The following RTEL1 variants were observed in gnomAD, a reference collection of about 807,000 sequenced individuals.
RTEL1 encodes the protein regulator of telomere length.
RTEL1 carries 86 observed loss-of-function variants against 162.2 expected under a neutral mutation model. The ratio of observed to expected loss-of-function variants is 0.53; its 90% CI spans 0.45 to 0.63. The LOEUF is 0.63. RTEL1 is among the 30% of genes least tolerant of loss of function. The pLI is 0.00. For missense variants in RTEL1, 1,941 were observed against 1,750.2 expected (o/e 1.11, Z -1.95); for synonymous variants, 958 against 717.9 (o/e 1.33, Z -5.35).
intron 30 of RTEL1, 100 bp downstream of exon 30, chr20:63,693,383 G>C (rs2090817542): frequency 6.3e-6 from 9 of 1,438,664 alleles, no homozygotes; most frequent in African/African-American, 2.8e-5. Flanking sequence ...GGCCCTGCTT[G>C]GCCCCGCCTC....
At chr20:63,678,643 T>TCCCACGAACAGCACACACACA (rs2090412200) in intron 12 of RTEL1, among the ~76,000 whole-genome samples, 2 of 42,434 alleles carry the variant, frequency 4.7e-5, no homozygotes, top group African/African-American at 1.1e-4. Flanking sequence ...GCACACACAC[T>TCCCACGAACAGCACACACACA]CCCACGGAAC....
intron 4 of RTEL1, among the ~76,000 whole-genome samples, chr20:63,662,176 G>A (rs550905880): frequency 2.0e-5 from 3 of 152,316 alleles, no homozygotes; most frequent in Admixed American, 6.5e-5. Flanking sequence ...TTGGGCGGGC[G>A]TCCTGAGCTC....
rs957528813 is a variant in RTEL1 at position 63,662,484 on chromosome 20, A to T, written c.396-62A>T. 5.0e-6 allele frequency: 8 copies of T among 1,602,758 alleles called. No individual in the cohort carries two copies. The Admixed American group carries it at 8.8e-5, about 18-fold the overall frequency. ...CGTGTCTCCATACAGCTCACGCTGC[A>T]GGGCCACGCTGTGGGTGTTGGAGAC... On this transcript the variant is annotated intron_variant, in intron 4 of 34. Transcript: ENST00000360203.
At position 63,688,280 on chromosome 20, in the gene RTEL1, C is replaced by G. The variant is rs199718552; in HGVS notation, c.1637-21C>G. On this transcript the variant is annotated intron_variant, in intron 19 of 34. Transcript: ENST00000360203. Reference sequence around the variant, plus strand: ...TGCAGACATCCTGCCCCTGCCTTGACCCCGGCCCCTGCACTTCCAGGCAAC... The same window carrying G: ...TGCAGACATCCTGCCCCTGCCTTGAGCCCGGCCCCTGCACTTCCAGGCAAC... 1.7e-4 allele frequency: 279 copies of G among 1,610,966 alleles called. 1 individual carries two copies. The African/African-American group carries it at 3.3e-3, about 19-fold the overall frequency.
chr20:63,685,930 A>C, intron 16 of RTEL1, 58 bp downstream of exon 16: 1 of 1,516,536 alleles, frequency 6.6e-7, no homozygotes, highest in South Asian at 1.2e-5. Context: ...CGGCACCACC[A>C]TGCCACAGGC....
Position 63,694,747 on chromosome 20 carries a change from C to G in RTEL1, c.3116C>G (p.Pro1039Arg), listed in dbSNP as rs772175599. Reference protein sequence around the residue: ...LSPRPPPTGDPGSQPQWGSGV... With the variant: ...LSPRPPPTGDRGSQPQWGSGV... ...CATGCTACTCCCACACCAGGAGACCCTGGCAGCCAACCACAGTGGGGGTCT... is the reference window on the plus strand; with the variant it reads ...CATGCTACTCCCACACCAGGAGACCGTGGCAGCCAACCACAGTGGGGGTCT... Residue 1039 changes from proline (P) to arginine (R), a missense_variant, in exon 32 of 35, where the codon CCT becomes CGT. Physicochemically the swap from Pro to Arg is moderately radical, Grantham distance 103. Coordinates refer to ENST00000360203, the MANE Select transcript of RTEL1 (RefSeq NM_001283009.2). The G allele has an allele frequency of 6.9e-6, 11 of 1,603,158 alleles. No individual in the cohort carries two copies. The highest frequency in any genetic ancestry group is 9.4e-6 in the Non-Finnish European group (11 of 1,174,946).
chr20:63,663,331 T>G (rs1030938355), intron 6 of RTEL1, among the ~76,000 whole-genome samples: 1 of 152,234 alleles, frequency 6.6e-6, no homozygotes, highest in Non-Finnish European at 1.5e-5. Flanking sequence ...CCCGCGACCC[T>G]GCCCCGTGTG....
chr20:63,695,704 G>A (rs1030095459), intron 34 of RTEL1, 54 bp downstream of exon 34: 107 of 1,607,140 alleles, frequency 6.7e-5, no homozygotes, highest in Non-Finnish European at 9.3e-6. Flanking sequence ...GTGATGGGCT[G>A]AGGGGGAAAG....
chr20:63,684,575 G>C (rs1331248177), intron 14 of RTEL1, among the ~76,000 whole-genome samples: 4 of 151,998 alleles, frequency 2.6e-5, no homozygotes, highest in Non-Finnish European at 5.9e-5. Context: ...GGATGGTCTC[G>C]ATCTCCTGAC....
At chr20:63,666,989 G>A (rs182380349) in intron 7 of RTEL1, among the ~76,000 whole-genome samples, 24 of 151,990 alleles carry the variant, frequency 1.6e-4, no homozygotes, top group South Asian at 4.2e-4. Flanking sequence ...ACAGGTGCCC[G>A]CCACCACGTC....
chr20:63,685,762 C>T (rs773025758), intron 15 of RTEL1, 29 bp from the exon 16 acceptor site: 5 of 1,607,480 alleles, frequency 3.1e-6, no homozygotes, highest in South Asian at 1.1e-5. Flanking sequence ...TGGGCGGGGC[C>T]TCCACACTCC....
rs1163744221 is a variant in RTEL1 at position 63,694,426 on chromosome 20, T to G, written c.3047T>G (p.Leu1016Arg). The change falls in exon 31 of 35, where the codon CTG becomes CGG. Residue 1016 changes from leucine to arginine, a missense_variant. Coordinates refer to ENST00000360203, the MANE Select transcript of RTEL1 (RefSeq NM_001283009.2). ...GTGTCCACGGCTGCAGCCCAGCAGCTGGACCCCCAAGAGCACCTGAACCAG... is the reference window on the plus strand; with the variant it reads ...GTGTCCACGGCTGCAGCCCAGCAGCGGGACCCCCAAGAGCACCTGAACCAG... The part of the protein sequence containing the change: ...LTVSTAAAQQ[L>R]DPQEHLNQGR... 2 of 1,612,350 alleles carry G rather than the reference T, an allele frequency of 1.2e-6. No individual in the cohort carries two copies. The highest frequency in any genetic ancestry group is 2.2e-5 in the South Asian group (2 of 91,070).
intron 6 of RTEL1, among the ~76,000 whole-genome samples, chr20:63,664,449 T>C (rs1369387712): frequency 6.6e-6 from 1 of 152,016 alleles, no homozygotes; most frequent in South Asian, 2.1e-4. Context: ...CTGGTGGGGA[T>C]GCTGGGCCTG....
intron 23 of RTEL1, 48 bp from the exon 24 acceptor site, chr20:63,689,702 G>GCCCCGTGGCCAAGGGAGC (rs1568711008): frequency 6.2e-7 from 1 of 1,603,736 alleles, no homozygotes; most frequent in East Asian, 2.2e-5. Context: ...CTGAGCCCCC[G>GCCCCGTGGCCAAGGGAGC]CCCCGTGGCC....
In RTEL1 at chr20:63,694,963, C is replaced by T. The variant is rs746179380; in HGVS notation, c.3332C>T (p.Pro1111Leu). ...ALTTAKPEDF[P>L]LLHRFSMFVR... Reference sequence around the variant, plus strand: ...ACCACTGCAAAGCCAGAGGACTTCCCCCTGCTGCACAGCAAGTGGCCCTGG... The same window carrying T: ...ACCACTGCAAAGCCAGAGGACTTCCTCCTGCTGCACAGCAAGTGGCCCTGG... The change falls in exon 32 of 35, where the codon CCC becomes CTC. Residue 1111 changes from proline to leucine, a missense_variant. Physicochemically the swap from Pro to Leu is moderately conservative, Grantham distance 98. Coordinates refer to ENST00000360203, the MANE Select transcript of RTEL1 (RefSeq NM_001283009.2). The T allele has an allele frequency of 2.0e-5, 32 of 1,612,424 alleles. No individual in the cohort carries two copies. The highest frequency in any genetic ancestry group is 2.7e-5 in the Non-Finnish European group (32 of 1,179,796).
In RTEL1 at chr20:63,691,797, C is replaced by T. The variant is rs144002969; in HGVS notation, c.2612C>T (p.Pro871Leu). The T allele has an allele frequency of 1.3e-4, 202 of 1,612,356 alleles. No homozygotes were observed. The highest frequency in any genetic ancestry group is 5.0e-4 in the Middle Eastern group (3 of 6,058). The change falls in exon 28 of 35, where the codon CCG becomes CTG. Residue 871 changes from proline (P) to leucine (L), a missense_variant. Physicochemically the swap from Pro to Leu is moderately conservative, Grantham distance 98. Transcript: ENST00000360203. ...TCTGAGAAGAGGCCGGCAGAAGAAC[C>T]GCGAGGAGGGAGGAAGAAGATCCGG... ...LLSEKRPAEEPRGGRKKIRLV... is the reference protein window; with the variant it reads ...LLSEKRPAEELRGGRKKIRLV...
At position 63,693,030 on chromosome 20, in the gene RTEL1, C is replaced by T. The variant is rs149619729; in HGVS notation, c.2851+27C>T. The T allele has an allele frequency of 5.8e-5, 93 of 1,611,446 alleles. No individual in the cohort carries two copies. In the African/African-American group the frequency reaches 1.1e-3, roughly 19 times the overall value. On this transcript the variant is annotated intron_variant, in intron 29 of 34. Transcript: ENST00000360203. ...TGCCCTGGCTTGCAGAGGCCACCCA[C>T]CCTGAGGGCAGTGCTGCCGCCGCGT...
chr20:63,672,561 C>G lies in RTEL1; in HGVS notation c.705C>G (p.Arg235=). ...PYNYLLDAKS[R]RAHNIDLKGT... ...CCCTTCTCTTCCTCCTGTAGAGCCGCAGAGCACACAACATTGACCTGAAGG... is the reference window on the plus strand; with the variant it reads ...CCCTTCTCTTCCTCCTGTAGAGCCGGAGAGCACACAACATTGACCTGAAGG... Residue 235 remains arginine, a synonymous_variant, in exon 9 of 35, where the codon CGC becomes CGG. Coordinates refer to ENST00000360203, the MANE Select transcript of RTEL1 (RefSeq NM_001283009.2). The G allele has an allele frequency of 6.3e-7, 1 of 1,580,436 alleles. No homozygotes were observed. Among genetic ancestry groups the G allele is most frequent in the Non-Finnish European group, 8.6e-7 (1 of 1,160,946 alleles).
intron 26 of RTEL1, 29 bp downstream of exon 26, chr20:63,690,470 TGTG>T (rs772727946): frequency 1.6e-5 from 19 of 1,177,218 alleles, no homozygotes; most frequent in Admixed American, 5.0e-5. Flanking sequence ...GGGTGGGCGG[TGTG>T]GGGGTGGCGG....
Sources: allele counts gnomAD v4.1 joint callset (sites outside exome capture counted in the v4.1 genomes callset), GRCh38; gene constraint gnomAD v4.1.1; transcripts MANE v1.5; gene names NCBI Gene and HGNC (gene_info 2026-07-23, HGNC 2026-07-21).